The following NPC1L1 variants were observed in gnomAD, a reference collection of about 807,000 sequenced individuals.
NPC1L1 encodes NPC1-like intracellular cholesterol transporter 1.
In NPC1L1, 98 loss-of-function variants were observed where a neutral mutation model predicts 117.0. The observed-to-expected ratio is 0.84, with a 90% CI of 0.71 to 0.99. NPC1L1 has a LOEUF of 0.99. NPC1L1 is among the 50% of genes least tolerant of loss of function. The probability of loss-of-function intolerance (pLI) is 0.00; values close to 1 mark genes in which losing one functional copy is unlikely to be tolerated. For missense variants in NPC1L1, 1,540 were observed against 1,710.0 expected, an observed-to-expected ratio of 0.90 and a Z score of 1.75; for synonymous variants, 729 against 727.6, an observed-to-expected ratio of 1.00 and a Z score of -0.03.
At chr7:44,518,579 G>C (rs7799467) in intron 14 of NPC1L1, 1 of 432,374 alleles carries the variant, frequency 2.3e-6, no homozygotes, top group Non-Finnish European at 4.2e-6. Flanking sequence ...TGAGGCAGGA[G>C]AATTACTTGA....
At chr7:44,523,117 G>A (rs554478152) in intron 10 of NPC1L1, among the ~76,000 whole-genome samples, 12 of 152,280 alleles carry the variant, frequency 7.9e-5, no homozygotes, top group African/African-American at 2.4e-4. Context: ...GTGCAGTGGC[G>A]CGATCTCTGC....
Position 44,516,946 on chromosome 7 carries a change from C to T in NPC1L1, c.3288-12G>A, listed in dbSNP as rs192247595. ...ACACATTGGTGATCCTGCCAGAGCA[C>T]AGAGCATGGTCACAGGCTCAGGCCT... On this transcript the variant is annotated splice_polypyrimidine_tract_variant and intron_variant, in intron 15 of 18. Coordinates refer to ENST00000381160, the MANE Select transcript of NPC1L1 (RefSeq NM_001101648.2). 1 of 1,609,328 alleles carries T rather than the reference C, an allele frequency of 6.2e-7. No individual in the cohort carries two copies. The highest frequency in any genetic ancestry group is 1.7e-5 in the Admixed American group (1 of 59,496).
chr7:44,521,230 C>T (rs936603212), intron 12 of NPC1L1, 112 bp from the exon 13 acceptor site: 13 of 1,412,350 alleles, frequency 9.2e-6, no homozygotes, highest in Non-Finnish European at 1.2e-5. Flanking sequence ...CCAGCCTCAA[C>T]CAGTCGCTTC....
At chr7:44,537,797 A>G (rs1193354387) in intron 2 of NPC1L1, among the ~76,000 whole-genome samples, 2 of 152,246 alleles carry the variant, frequency 1.3e-5, no homozygotes, top group East Asian at 3.8e-4. Flanking sequence ...ACCGTCAGAC[A>G]TGAGTCTGAG....
rs763362144 is a variant in NPC1L1, at chr7:44,513,405, T to G, written c.*42A>C. The G allele has an allele frequency of 6.3e-7, 1 of 1,577,140 alleles. No individual in the cohort carries two copies. The highest frequency in any genetic ancestry group is 1.1e-5 in the South Asian group (1 of 90,134). On this transcript the variant is annotated 3_prime_UTR_variant, in exon 19 of 19. Transcript: ENST00000381160. ...TCACAAGGAAGATCCCCATAACCCT[T>G]TGGTTCAGGGCCATAGAGCCTAGAC... is the stretch of plus-strand genomic sequence containing the variant.
rs750454126 is a variant in NPC1L1 at position 44,522,077 on chromosome 7, G to A, written c.2803C>T (p.Gln935Ter). 6 of 1,613,818 alleles carry A rather than the reference G, an allele frequency of 3.7e-6. No individual in the cohort carries two copies. The East Asian group carries it at 1.1e-4, about 30-fold the overall frequency. ...TGCTCAGGGAACTCTGTGGCATACT[G>A]GATCTTCTGGGTGAAGGAGAAGTTG... ...CNNFSFTQKIQYATEFPEQSY... is the reference protein window; with the variant it reads ...CNNFSFTQKI The change falls in exon 11 of 19, where the codon CAG becomes TAG. Residue 935 changes from glutamine (Q) to a stop codon, truncating the protein, a stop_gained. Coordinates refer to ENST00000381160, the MANE Select transcript of NPC1L1 (RefSeq NM_001101648.2). LOFTEE classifies it high-confidence loss of function.
chr7:44,517,256 G>T lies in NPC1L1; in HGVS notation c.3238C>A (p.Leu1080Met). The T allele has an allele frequency of 6.2e-7, 1 of 1,614,108 alleles. No homozygotes were observed. Reference sequence around the variant, plus strand: ...GGGTCTGTTCCAGGCACTTTCCGCAGGTCAGCAGTGATGTTGGCTGCCAGC... The same window carrying T: ...GGGTCTGTTCCAGGCACTTTCCGCATGTCAGCAGTGATGTTGGCTGCCAGC... ...RELAANITADLRKVPGTDPAF... is the reference protein window; with the variant it reads ...RELAANITADMRKVPGTDPAF... Residue 1080 changes from leucine to methionine, a missense_variant, in exon 15 of 19, where the codon CTG (leucine) becomes ATG (methionine). Leu to Met is a conservative substitution (Grantham distance 15). Transcript: ENST00000381160.
intron 10 of NPC1L1, among the ~76,000 whole-genome samples, chr7:44,524,249 A>AC (rs35716484): frequency 2.6e-5 from 4 of 152,228 alleles, no homozygotes; most frequent in Non-Finnish European, 5.9e-5. Flanking sequence ...GCACAGAAAC[A>AC]CCAACAGCAA....
In NPC1L1 at chr7:44,536,117, C is replaced by T. The variant is rs1801881004; in HGVS notation, c.1854+139G>A. ...TCGCAGGTGAGGCTATAAGAACAGC[C>T]ATCACAATCACCCCGTTCTGAGCAG... is the stretch of plus-strand genomic sequence containing the variant. On this transcript the variant is annotated intron_variant, in intron 4 of 18. Coordinates refer to ENST00000381160, the MANE Select transcript of NPC1L1 (RefSeq NM_001101648.2). The surrounding 1 kb of genome is among the most constrained non-coding windows in gnomAD (Gnocchi z 4.7). 2 of 1,534,190 alleles carry T rather than the reference C, an allele frequency of 1.3e-6. No homozygotes were observed. Among genetic ancestry groups the T allele is most frequent in the Non-Finnish European group, 1.8e-6 (2 of 1,111,458 alleles).
rs1284431799 is a variant in NPC1L1, at chr7:44,514,338, T to A, written c.3797-689A>T. Among the ~76,000 whole-genome samples, 3 of 152,164 alleles carry A rather than the reference T, an allele frequency of 2.0e-5. No homozygotes were observed. In the East Asian group the frequency reaches 5.8e-4, roughly 29 times the overall value. On this transcript the variant is annotated intron_variant, in intron 18 of 18. Transcript: ENST00000381160. Reference sequence around the variant, plus strand: ...CCTCAGCCTCCCAAAGTGCTAGGATTACAAACATGAGCCACCACTCCTGGC... The same window carrying A: ...CCTCAGCCTCCCAAAGTGCTAGGATAACAAACATGAGCCACCACTCCTGGC...
In NPC1L1 at chr7:44,516,796, C is replaced by G; in HGVS notation, c.3426G>C (p.Leu1142=). 1 of 1,614,020 alleles carries G rather than the reference C, an allele frequency of 6.2e-7. No homozygotes were observed. Among genetic ancestry groups the G allele is most frequent in the Non-Finnish European group, 8.5e-7 (1 of 1,179,986 alleles). ...GLDLRSGLLN[L]LSIVMILVDT... ...CCACGAGGATCATGACAATGGAGAGCAGGTTGAGGAGGCCGGAGCGCAGGT... is the reference window on the plus strand; with the variant it reads ...CCACGAGGATCATGACAATGGAGAGGAGGTTGAGGAGGCCGGAGCGCAGGT... The change falls in exon 16 of 19, where the codon CTG becomes CTC. Residue 1142 remains leucine, a synonymous_variant. Transcript: ENST00000381160.
rs751781308 is a variant in NPC1L1, at chr7:44,522,105, G to A, written c.2775C>T (p.Cys925=). 5.6e-6 allele frequency: 9 copies of A among 1,614,046 alleles called. No homozygotes were observed. In the South Asian group the frequency reaches 8.8e-5, roughly 16 times the overall value. The stretch of plus-strand genomic sequence containing the variant: ...TCTTCTGGGTGAAGGAGAAGTTGTT[G>A]CAGCCTGCACTGGAGCAGATGGCAT... ...GMNAICSSAG[C]NNFSFTQKIQ... is the part of the protein sequence containing the mutation. Residue 925 remains cysteine (C), a synonymous_variant, in exon 11 of 19, where the codon TGC becomes TGT. Transcript: ENST00000381160.
At chr7:44,527,362 C>T (rs1801550332) in intron 10 of NPC1L1, among the ~76,000 whole-genome samples, 1 of 146,254 alleles carries the variant, frequency 6.8e-6, no homozygotes, top group Admixed American at 7.3e-5. Flanking sequence ...GGGGCTGAGG[C>T]AGGAGAATCG....
chr7:44,533,554 G>A lies in NPC1L1; in HGVS notation c.2286C>T (p.Ala762=). ...LSEAICFFLG[A]LTPMPAVRTF... ...TCCGCACAGCTGGCATGGGGGTCAG[G>A]GCCCCTGTGAGGGAGCAGAGGGCTG... Residue 762 remains alanine (A), a synonymous_variant, in exon 8 of 19, where the codon GCC becomes GCT. Transcript: ENST00000381160. 2 of 1,614,176 alleles carry A rather than the reference G, an allele frequency of 1.2e-6. No homozygotes were observed. Among genetic ancestry groups the A allele is most frequent in the Non-Finnish European group, 8.5e-7 (1 of 1,180,040 alleles).
At position 44,536,221 on chromosome 7, in the gene NPC1L1, T is replaced by G; in HGVS notation, c.1854+35A>C. 6.2e-7 allele frequency: 1 copy of G among 1,612,050 alleles called. No individual in the cohort carries two copies. Among genetic ancestry groups the G allele is most frequent in the East Asian group, 2.2e-5 (1 of 44,886 alleles). ...GGAACTGACCCAAGACCACCTGGGT[T>G]GCACCCCCAGAGCCAGGGACCCTGC... On this transcript the variant is annotated intron_variant, in intron 4 of 18. Coordinates refer to ENST00000381160, the MANE Select transcript of NPC1L1 (RefSeq NM_001101648.2). The surrounding 1 kb of genome is among the most constrained non-coding windows in gnomAD (Gnocchi z 4.7).
At position 44,536,553 on chromosome 7, in the gene NPC1L1, C is replaced by T. The variant is rs1292323351; in HGVS notation, c.1682-125G>A. The T allele has an allele frequency of 5.6e-6, 6 of 1,076,822 alleles. No homozygotes were observed. The highest frequency in any genetic ancestry group is 8.4e-6 in the Non-Finnish European group (6 of 717,780). The allele number at this position is 1,076,822 out of a possible 1,614,324, so 66.7% of individuals were successfully genotyped here. Reference sequence around the variant, plus strand: ...CCCATCACCCCTTGCTCCTTCTCCCCCACTCCTTCCTCATCTGATACATGG... The same window carrying T: ...CCCATCACCCCTTGCTCCTTCTCCCTCACTCCTTCCTCATCTGATACATGG... On this transcript the variant is annotated intron_variant, in intron 3 of 18. Coordinates refer to ENST00000381160, the MANE Select transcript of NPC1L1 (RefSeq NM_001101648.2). This position sits in a 1 kb window ranked among gnomAD's most constrained non-coding sequence, Gnocchi z 4.7.
At chr7:44,535,021 C>T (rs984797940) in intron 5 of NPC1L1, among the ~76,000 whole-genome samples, 1 of 152,052 alleles carries the variant, frequency 6.6e-6, no homozygotes. Flanking sequence ...ATCACTTGAG[C>T]CCAGGAGTTT....
chr7:44,513,352 T>G lies in NPC1L1; in HGVS notation c.*95A>C. On this transcript the variant is annotated 3_prime_UTR_variant, in exon 19 of 19. Transcript: ENST00000381160. ...CTCATGGGAATGGCCTCCCCTAGGA[T>G]TTGAGGAGGGCGTGTGTCAAGGGGC... 8 of 1,199,410 alleles carry G rather than the reference T, an allele frequency of 6.7e-6. No individual in the cohort carries two copies. Among genetic ancestry groups the G allele is most frequent in the Non-Finnish European group, 7.4e-6 (6 of 808,882 alleles). The allele number at this position is 1,199,410 out of a possible 1,614,324, so 74.3% of individuals were successfully genotyped here. A position where few individuals can be genotyped will look rare whatever the true frequency, so the allele number is the denominator to read the frequency against.
intron 10 of NPC1L1, among the ~76,000 whole-genome samples, chr7:44,530,128 A>G (rs1454158004): frequency 1.3e-5 from 2 of 151,642 alleles, no homozygotes; most frequent in African/African-American, 4.9e-5. Context: ...ACCTGAGGTC[A>G]GAAGTTCAAG....
Sources: allele counts gnomAD v4.1 joint callset (sites outside exome capture counted in the v4.1 genomes callset), GRCh38; gene constraint gnomAD v4.1.1; non-coding constraint Gnocchi (gnomAD v3.1); transcripts MANE v1.5; gene names NCBI Gene and HGNC (gene_info 2026-07-23, HGNC 2026-07-21).